The following WDR35 variants were observed in gnomAD, a reference collection of about 807,000 sequenced individuals.
The protein encoded by WDR35 is WD repeat-containing protein 35.
WDR35 carries 118 observed loss-of-function variants against 158.3 expected under a neutral mutation model. The observed-to-expected ratio is 0.75, with a 90% CI of 0.64 to 0.87. WDR35 has a LOEUF of 0.87. Ranked by LOEUF, WDR35 falls within the 40% of genes least tolerant of loss-of-function variation. The pLI, the probability that WDR35 is intolerant of heterozygous loss-of-function variation, is 0.00. For missense variants in WDR35, 1,263 were observed against 1,405.8 expected (o/e 0.90, Z 1.62); for synonymous variants, 448 against 476.1 (o/e 0.94, Z 0.77).
In WDR35 at chr2:19,930,481, T is replaced by G. The variant is rs770452781; in HGVS notation, c.3036A>C (p.Ala1012=). 1 of 1,614,044 alleles carries G rather than the reference T, an allele frequency of 6.2e-7. No homozygotes were observed. The highest frequency in any genetic ancestry group is 2.2e-5 in the East Asian group (1 of 44,890). The change falls in exon 25 of 27, where the codon GCA becomes GCC. Residue 1012 remains alanine, a synonymous_variant. Coordinates refer to ENST00000281405, the MANE Select transcript of WDR35 (RefSeq NM_020779.4). ...AGTGGTAAGCCTCTGCCCCTCTCCA[T>G]GCATTATCTGTGAAACGATCTGTTG... is the stretch of plus-strand genomic sequence containing the variant. ...LSTTDRFTDN[A]WRGAEAYHFF...
At chr2:19,929,831 T>A (rs1465019143) in intron 25 of WDR35, among the ~76,000 whole-genome samples, 2 of 152,232 alleles carry the variant, frequency 1.3e-5, no homozygotes, top group East Asian at 3.9e-4. Context: ...ATTGTTAGAT[T>A]ATTTTACTTT....
chr2:19,945,954 A>T lies in WDR35; in HGVS notation c.1677T>A (p.Phe559Leu), dbSNP rs1671034659. The change falls in exon 16 of 27, where the codon TTT becomes TTA. Residue 559 changes from phenylalanine (F) to leucine (L), a missense_variant. Transcript: ENST00000281405. ...TGTCCGTTACTCGAGCATCCAAGTC[A>T]AAGAAAGTCAGAACTCCTGAGATGT... ...IIDISGVLTF[F>L]DLDARVTDST... The T allele has an allele frequency of 6.2e-7, 1 of 1,613,828 alleles. No homozygotes were observed.
At chr2:19,932,484 T>A (rs1333493041) in intron 22 of WDR35, 37 bp from the exon 23 acceptor site, 1 of 1,611,676 alleles carries the variant, frequency 6.2e-7, no homozygotes, top group East Asian at 2.2e-5. Context: ...CACCCAAGTA[T>A]TTACAGTCAC....
Position 19,914,143 on chromosome 2 carries a change from G to A in WDR35, c.3256C>T (p.Leu1086Phe). 6.2e-7 allele frequency: 1 copy of A among 1,614,144 alleles called. No individual in the cohort carries two copies. The part of the protein sequence containing the change: ...AFIKLKSLET[L>F]SSEQKQQYED... ...TACTGCTGTTTCTGTTCTGAACTGA[G>A]GGTCTCTAAAGATTTAAGTTTAATG... is the stretch of plus-strand genomic sequence containing the variant. Residue 1086 changes from leucine (L) to phenylalanine (F), a missense_variant, in exon 26 of 27, where the codon CTC becomes TTC. Leu to Phe is a conservative substitution (Grantham distance 22). Transcript: ENST00000281405.
chr2:19,978,977 A>G, intron 4 of WDR35, 98 bp from the exon 5 acceptor site: 1 of 1,462,764 alleles, frequency 6.8e-7, no homozygotes, highest in South Asian at 1.2e-5. Context: ...GCCATGGGAC[A>G]AATAACTGCA....
At chr2:19,914,761 C>T (rs537681423) in intron 25 of WDR35, among the ~76,000 whole-genome samples, 38 of 152,060 alleles carry the variant, frequency 2.5e-4, no homozygotes, top group Non-Finnish European at 5.1e-4. Flanking sequence ...CAGATTATTG[C>T]TTTTGTATTA....
chr2:19,929,389 T>C (rs1670458741), intron 25 of WDR35, among the ~76,000 whole-genome samples: 1 of 152,162 alleles, frequency 6.6e-6, no homozygotes, highest in Non-Finnish European at 1.5e-5. Flanking sequence ...GATGTGCATA[T>C]GGTGATGATG....
rs1319903900 is a variant in WDR35 at position 19,948,086 on chromosome 2, G to A, written c.1524+78C>T. 9 of 1,178,350 alleles carry A rather than the reference G, an allele frequency of 7.6e-6. No homozygotes were observed. The Admixed American group carries it at 1.3e-4, about 16-fold the overall frequency. 73.0% of individuals were successfully genotyped at this position (1,178,350 alleles called of 1,614,324 possible). A position where few individuals can be genotyped will look rare whatever the true frequency, so the allele number is the denominator to read the frequency against. On this transcript the variant is annotated intron_variant, in intron 14 of 26. Coordinates refer to ENST00000281405, the MANE Select transcript of WDR35 (RefSeq NM_020779.4). The stretch of plus-strand genomic sequence containing the variant: ...CCAAGTAACTGTGATTACAGACATG[G>A]GGCACACACCTGGCTCCTACCATAT...
At chr2:19,927,420 A>G (rs1322352805) in intron 25 of WDR35, among the ~76,000 whole-genome samples, 1 of 152,218 alleles carries the variant, frequency 6.6e-6, no homozygotes, top group Admixed American at 6.5e-5. Flanking sequence ...TGGTCCCCTA[A>G]GGGGATGTTT....
Position 19,966,891 on chromosome 2 carries a change from T to C in WDR35, c.1027A>G (p.Thr343Ala). ...PNYKWGYCSN[T>A]VVYAYTRPDR... Reference sequence around the variant, plus strand: ...GGTCTGGTATATGCATAAACTACAGTGTTTGAGCAATAACCCCACTAGGAA... The same window carrying C: ...GGTCTGGTATATGCATAAACTACAGCGTTTGAGCAATAACCCCACTAGGAA... The change falls in exon 10 of 27, where the codon ACT becomes GCT. Residue 343 changes from threonine (T) to alanine (A), a missense_variant. Transcript: ENST00000281405. 6.2e-7 allele frequency: 1 copy of C among 1,613,730 alleles called. No homozygotes were observed. Among genetic ancestry groups the C allele is most frequent in the Non-Finnish European group, 8.5e-7 (1 of 1,179,864 alleles).
At chr2:19,939,782 T>A (rs888315111) in intron 17 of WDR35, among the ~76,000 whole-genome samples, 12 of 152,126 alleles carry the variant, frequency 7.9e-5, no homozygotes, top group African/African-American at 2.9e-4. Context: ...AGCAGTAAAG[T>A]ATTCATTTTT....
intron 13 of WDR35, among the ~76,000 whole-genome samples, chr2:19,950,824 C>T (rs1156527959): frequency 6.7e-6 from 1 of 148,536 alleles, no homozygotes; most frequent in African/African-American, 2.4e-5. Context: ...AATCAGTGAA[C>T]TTCTCTAACA....
intron 1 of WDR35, 114 bp from the exon 2 acceptor site, chr2:19,989,396 C>A (rs1229957526): frequency 7.2e-6 from 7 of 974,766 alleles, no homozygotes; most frequent in East Asian, 2.4e-5. Flanking sequence ...AACGGCCTTG[C>A]AGAAAAAAAA....
chr2:19,990,042 G>A lies in WDR35; in HGVS notation c.-27C>T, dbSNP rs1395293387. ...GTGGGATCCCCGAGAGGGTCACGGCGGCCGCTAAGGCCCTCGACAAGTAAC... is the reference window on the plus strand; with the variant it reads ...GTGGGATCCCCGAGAGGGTCACGGCAGCCGCTAAGGCCCTCGACAAGTAAC... On this transcript the variant is annotated 5_prime_UTR_variant, in exon 1 of 27. Transcript: ENST00000281405. The A allele has an allele frequency of 1.9e-6, 3 of 1,613,070 alleles. No homozygotes were observed. The highest frequency in any genetic ancestry group is 2.5e-6 in the Non-Finnish European group (3 of 1,179,628).
At chr2:19,927,879 A>G (rs1045662411) in intron 25 of WDR35, among the ~76,000 whole-genome samples, 1 of 152,208 alleles carries the variant, frequency 6.6e-6, no homozygotes, top group African/African-American at 2.4e-5. Flanking sequence ...TGTGCTTTTA[A>G]TCTGTGTTGT....
At chr2:19,987,272 A>G (rs1242884371) in intron 2 of WDR35, among the ~76,000 whole-genome samples, 1 of 152,236 alleles carries the variant, frequency 6.6e-6, no homozygotes, top group Admixed American at 6.5e-5. Flanking sequence ...TGTATTAAAT[A>G]TAATATACTG....
At chr2:19,962,435 T>C in intron 10 of WDR35, 3 of 1,020,978 alleles carry the variant, frequency 2.9e-6, no homozygotes, top group Middle Eastern at 2.1e-4. Context: ...TAATCATCAA[T>C]GACCAATATT....
Position 19,914,215 on chromosome 2 carries a change from G to C in WDR35, c.3184C>G (p.Leu1062Val). The C allele has an allele frequency of 6.2e-7, 1 of 1,614,180 alleles. No homozygotes were observed. Among genetic ancestry groups the C allele is most frequent in the South Asian group, 1.1e-5 (1 of 91,080 alleles). ...PPVEIYSLLA[L>V]CACASRAFGT... ...AAGGCTCTGCTGGCGCATGCGCAGA[G>C]TGCTAGCAGAGAGTAGATCTCCACA... Residue 1062 changes from leucine (L) to valine (V), a missense_variant, in exon 26 of 27, where the codon CTC (leucine) becomes GTC (valine). By Grantham distance (32) the Leu-to-Val change is conservative. Coordinates refer to ENST00000281405, the MANE Select transcript of WDR35 (RefSeq NM_020779.4).
chr2:19,963,588 C>A (rs561932799), intron 10 of WDR35, among the ~76,000 whole-genome samples: 2 of 152,258 alleles, frequency 1.3e-5, no homozygotes, highest in African/African-American at 4.8e-5. Flanking sequence ...GGTGTCCACT[C>A]TACTGTTTCT....
Sources: gnomAD v4.1 joint callset for allele counts (sites outside exome capture counted in the v4.1 genomes callset) on GRCh38, gnomAD v4.1.1 for gene constraint, MANE v1.5 for transcripts, NCBI Gene and HGNC (gene_info 2026-07-23, HGNC 2026-07-21) for gene names.